Variants in SNTG2 observed in about 807,000 individuals in gnomAD.
The protein encoded by SNTG2 is syntrophin gamma 2.
In SNTG2, 74 loss-of-function variants were observed where a neutral mutation model predicts 70.9. The ratio of observed to expected loss-of-function variants is 1.04; its 90% CI spans 0.86 to 1.27. SNTG2 has a LOEUF of 1.27. Ranked by LOEUF, SNTG2 falls within the 50% of genes most tolerant of loss-of-function variation. The pLI, the probability that SNTG2 is intolerant of heterozygous loss-of-function variation, is 0.00. For synonymous variants in SNTG2, 278 were observed against 273.8 expected (o/e 1.02, Z -0.15); for missense variants, 717 against 690.7 (o/e 1.04, Z -0.43).
chr2:1,143,636 G>A (rs1304276816), intron 6 of SNTG2, among the ~76,000 whole-genome samples: 9 of 151,232 alleles, frequency 6.0e-5, no homozygotes, highest in Non-Finnish European at 7.4e-5. Context: ...TTGGGAGGCC[G>A]AGGCAGGTGG....
intron 12 of SNTG2, among the ~76,000 whole-genome samples, chr2:1,257,568 C>A (rs180756540): frequency 1.5e-4 from 23 of 152,270 alleles, no homozygotes; most frequent in African/African-American, 5.5e-4. Context: ...AAGAGCACAG[C>A]CCCCTCCAAG....
intron 2 of SNTG2, among the ~76,000 whole-genome samples, chr2:1,084,459 C>T (rs1022195304): frequency 6.6e-6 from 1 of 152,154 alleles, no homozygotes; most frequent in Non-Finnish European, 1.5e-5. Flanking sequence ...TGGCTGGCAC[C>T]CGGTCCGCCC....
At chr2:1,141,580 A>G (rs9711359) in intron 6 of SNTG2, among the ~76,000 whole-genome samples, 1,720 of 152,308 alleles carry the variant, frequency 0.011, 13 homozygotes, top group Non-Finnish European at 0.017. Context: ...GCCTGAGCCA[A>G]GAGGCAATCG....
At chr2:971,504 T>G (rs1176156207) in intron 1 of SNTG2, among the ~76,000 whole-genome samples, 1 of 152,022 alleles carries the variant, frequency 6.6e-6, no homozygotes, top group African/African-American at 2.4e-5. Context: ...GGTAATGTCT[T>G]TTTTGTCATT....
intron 14 of SNTG2, among the ~76,000 whole-genome samples, chr2:1,307,220 A>G (rs561070140): frequency 1.6e-5 from 2 of 121,436 alleles, no homozygotes; most frequent in South Asian, 5.3e-4. Flanking sequence ...CTGTGTCTGT[A>G]TGTCTGTGTC....
chr2:1,080,025 G>A (rs11127454), intron 1 of SNTG2, among the ~76,000 whole-genome samples: 85,212 of 152,006 alleles, frequency 0.56, 24,282 homozygotes, highest in East Asian at 0.64. Flanking sequence ...ACCCTGTTCC[G>A]GGTCCTGCTC....
chr2:1,358,441 A>G (rs1395897867), intron 16 of SNTG2, among the ~76,000 whole-genome samples: 1 of 151,684 alleles, frequency 6.6e-6, no homozygotes, highest in Admixed American at 6.6e-5. Context: ...CTTAAGGCAT[A>G]AAGTTATTTG....
At chr2:991,526 T>G (rs1661491682) in intron 1 of SNTG2, among the ~76,000 whole-genome samples, 1 of 152,208 alleles carries the variant, frequency 6.6e-6, no homozygotes, top group South Asian at 2.1e-4. Flanking sequence ...CTTATTCTGT[T>G]TTCCATAATC....
Position 1,024,354 on chromosome 2 carries a change from A to G in SNTG2, c.73-59164A>G, listed in dbSNP as rs1660360217. Among the ~76,000 whole-genome samples the G allele has an allele frequency of 3.3e-5, 5 of 152,328 alleles. No individual in the cohort carries two copies. In the South Asian group the frequency reaches 1.0e-3, roughly 32 times the overall value. Reference sequence around the variant, plus strand: ...CTATAAGTGAAATTATACTTTAAATATATTCTGATAAAAACATGAAGACTA... The same window carrying G: ...CTATAAGTGAAATTATACTTTAAATGTATTCTGATAAAAACATGAAGACTA... On this transcript the variant is annotated intron_variant, in intron 1 of 16. Transcript: ENST00000308624.
intron 16 of SNTG2, among the ~76,000 whole-genome samples, chr2:1,338,842 A>G (rs1024496202): frequency 6.6e-6 from 1 of 152,196 alleles, no homozygotes; most frequent in Non-Finnish European, 1.5e-5. Flanking sequence ...ACATGCAAGT[A>G]TCTGTTCGAG....
intron 16 of SNTG2, among the ~76,000 whole-genome samples, chr2:1,334,093 AAAG>A (rs1435295351): frequency 6.6e-6 from 1 of 152,146 alleles, no homozygotes; most frequent in Non-Finnish European, 1.5e-5. Flanking sequence ...AACAAACCAG[AAAG>A]AAGAAAACAA....
At chr2:986,216 G>T (rs772167128) in intron 1 of SNTG2, among the ~76,000 whole-genome samples, 63 of 152,118 alleles carry the variant, frequency 4.1e-4, no homozygotes, top group Non-Finnish European at 7.6e-4. Context: ...GACATGGCCG[G>T]GATGGCCCCT....
At position 1,367,599 on chromosome 2, in the gene SNTG2, T is replaced by C. The variant is rs1661557600; in HGVS notation, c.*125T>C. ...ATAGTTGTGATACCAATAAAACATG[T>C]CACTAGTTTCCAAAGACGGGTCCTC... On this transcript the variant is annotated 3_prime_UTR_variant, in exon 17 of 17. Coordinates refer to ENST00000308624, the MANE Select transcript of SNTG2 (RefSeq NM_018968.4). 8.3e-7 allele frequency: 1 copy of C among 1,202,152 alleles called. No homozygotes were observed. Among genetic ancestry groups the C allele is most frequent in the Non-Finnish European group, 1.1e-6 (1 of 881,294 alleles). The allele number at this position is 1,202,152 out of a possible 1,614,324, so 74.5% of individuals were successfully genotyped here.
intron 9 of SNTG2, among the ~76,000 whole-genome samples, chr2:1,222,456 A>C (rs1426368522): frequency 6.6e-6 from 1 of 152,066 alleles, no homozygotes; most frequent in Non-Finnish European, 1.5e-5. Flanking sequence ...GGGGCTTCTT[A>C]AGCTGGAGGT....
intron 1 of SNTG2, among the ~76,000 whole-genome samples, chr2:985,879 G>C (rs971992667): frequency 6.6e-6 from 1 of 152,094 alleles, no homozygotes; most frequent in Non-Finnish European, 1.5e-5. Flanking sequence ...AGACAGCCAA[G>C]TGTTATCACA....
At chr2:1,058,350 A>T (rs1368890990) in intron 1 of SNTG2, among the ~76,000 whole-genome samples, 1 of 152,112 alleles carries the variant, frequency 6.6e-6, no homozygotes, top group Non-Finnish European at 1.5e-5. Context: ...TTAAAAAAGC[A>T]AACAACACAC....
intron 1 of SNTG2, among the ~76,000 whole-genome samples, chr2:1,008,344 G>C (rs768067306): frequency 9.2e-5 from 14 of 152,102 alleles, no homozygotes; most frequent in South Asian, 4.1e-4. Context: ...GAGCAAACTA[G>C]TATTACTTAT....
intron 6 of SNTG2, among the ~76,000 whole-genome samples, chr2:1,141,369 G>C (rs1383068750): frequency 6.6e-6 from 1 of 152,212 alleles, no homozygotes; most frequent in Admixed American, 6.5e-5. Context: ...AAGGCAGGCT[G>C]TTTCTGGCGA....
intron 14 of SNTG2, among the ~76,000 whole-genome samples, chr2:1,293,157 CT>C (rs71400092): frequency 0.019 from 2,507 of 130,958 alleles, 42 homozygotes; most frequent in African/African-American, 0.051. Context: ...TACTCTGTTA[CT>C]TTTTTTTTTT....
Sources: allele counts gnomAD v4.1 joint callset (sites outside exome capture counted in the v4.1 genomes callset), GRCh38; gene constraint gnomAD v4.1.1; transcripts MANE v1.5; gene names NCBI Gene and HGNC (gene_info 2026-07-23, HGNC 2026-07-21).